SNRNP48: variants seen among roughly 807,000 people sequenced by gnomAD.
SNRNP48 encodes small nuclear ribonucleoprotein U11/U12 subunit 48.
SNRNP48 carries 43 observed loss-of-function variants against 47.0 expected under a neutral mutation model. The observed-to-expected ratio is 0.92, with a 90% confidence interval of 0.72 to 1.18. The LOEUF is 1.18. SNRNP48 is among the 50% of genes most tolerant of loss of function. SNRNP48 has a pLI of 0.00. For missense variants in SNRNP48, 396 were observed against 422.2 expected, an observed-to-expected ratio of 0.94 and a Z score of 0.54; for synonymous variants, 138 against 144.0, an observed-to-expected ratio of 0.96 and a Z score of 0.30.
At chr6:7,601,639 C>A in intron 5 of SNRNP48, 115 bp downstream of exon 5, 1 of 1,077,540 alleles carries the variant, frequency 9.3e-7, no homozygotes, top group Non-Finnish European at 1.3e-6. Context: ...GGTTTTGTAT[C>A]ATTTAATATT....
At chr6:7,592,986 A>G (rs1433212241) in intron 1 of SNRNP48, among the ~76,000 whole-genome samples, 1 of 152,062 alleles carries the variant, frequency 6.6e-6, no homozygotes, top group Admixed American at 6.5e-5. Context: ...AAAGGAATAG[A>G]TTTGAGGGTT....
At chr6:7,598,070 T>C (rs1759938742) in intron 4 of SNRNP48, among the ~76,000 whole-genome samples, 1 of 151,828 alleles carries the variant, frequency 6.6e-6, no homozygotes, top group African/African-American at 2.4e-5. Flanking sequence ...GGTTTCACTG[T>C]GTTAGCCACG....
At chr6:7,601,225 A>G (rs981003210) in intron 4 of SNRNP48, 111 bp from the exon 5 acceptor site, 1 of 774,622 alleles carries the variant, frequency 1.3e-6, no homozygotes, top group Non-Finnish European at 1.9e-6. Flanking sequence ...TTATGAAAAA[A>G]GTTTGTGTTA....
chr6:7,606,260 C>A, intron 8 of SNRNP48, 65 bp downstream of exon 8: 1 of 1,430,984 alleles, frequency 7.0e-7, no homozygotes, highest in Non-Finnish European at 9.3e-7. Context: ...ACAGGTTCTT[C>A]TGTTGTAGAC....
At chr6:7,599,410 A>T (rs1759971430) in intron 4 of SNRNP48, among the ~76,000 whole-genome samples, 1 of 152,164 alleles carries the variant, frequency 6.6e-6, no homozygotes, top group Non-Finnish European at 1.5e-5. Flanking sequence ...AAATGGTTAG[A>T]ATGTTAAATT....
intron 3 of SNRNP48, among the ~76,000 whole-genome samples, chr6:7,594,519 G>A (rs1759870324): frequency 1.3e-5 from 2 of 152,128 alleles, no homozygotes; most frequent in Admixed American, 1.3e-4. Context: ...CTTGGGCTCT[G>A]GAAAAAGAAT....
chr6:7,591,400 A>G (rs550817606), intron 1 of SNRNP48, among the ~76,000 whole-genome samples: 1 of 152,282 alleles, frequency 6.6e-6, no homozygotes, highest in East Asian at 1.9e-4. Flanking sequence ...GGGGTAATTC[A>G]TTATCTTTAC....
chr6:7,591,167 G>T (rs533538486), intron 1 of SNRNP48, among the ~76,000 whole-genome samples: 1 of 152,202 alleles, frequency 6.6e-6, no homozygotes, highest in South Asian at 2.1e-4. Flanking sequence ...GAGTTTGCCA[G>T]TTCGCCTTTC....
chr6:7,608,990 A>T lies in SNRNP48; in HGVS notation c.*117A>T, dbSNP rs1760183123. 6.2e-6 allele frequency: 3 copies of T among 487,670 alleles called. No homozygotes were observed. The highest frequency in any genetic ancestry group is 1.0e-5 in the Non-Finnish European group (3 of 291,928). The allele number at this position is 487,670 out of a possible 1,614,324, so 30.2% of individuals were successfully genotyped here. A position where few individuals can be genotyped will look rare whatever the true frequency, so the allele number is the denominator to read the frequency against. ...TTTTATGATCTGTTTAGTGCTTATT[A>T]TTTTTTTTATGATCTGTTTAGTGCT... is the stretch of plus-strand genomic sequence containing the variant. On this transcript the variant is annotated 3_prime_UTR_variant, in exon 9 of 9. Transcript: ENST00000342415.
rs1200802392 is a variant in SNRNP48 at position 7,599,982 on chromosome 6, C to T, written c.407-1354C>T. The stretch of plus-strand genomic sequence containing the variant: ...GTTTATATGAAGCTTGTTTGTAATA[C>T]ATCATTATTTTCTAATCTGTGTTTT... On this transcript the variant is annotated intron_variant, in intron 4 of 8. Transcript: ENST00000342415. The T allele has an allele frequency of 6.1e-6, 6 of 988,208 alleles. No individual in the cohort carries two copies. The African/African-American group carries it at 1.0e-4, about 17-fold the overall frequency. 61.2% of individuals were successfully genotyped at this position (988,208 alleles called of 1,614,324 possible).
chr6:7,602,164 T>C (rs2806220), intron 5 of SNRNP48, among the ~76,000 whole-genome samples: 1 of 152,004 alleles, frequency 6.6e-6, no homozygotes, highest in Non-Finnish European at 1.5e-5. Flanking sequence ...GTATTAGGTA[T>C]TGAAAGTAAT....
At chr6:7,594,998 G>A (rs534008691) in intron 3 of SNRNP48, 29 bp from the exon 4 acceptor site, 3 of 1,532,462 alleles carry the variant, frequency 2.0e-6, no homozygotes, top group Non-Finnish European at 2.7e-6. Context: ...GATTCATATT[G>A]TATTTATGGA....
chr6:7,603,577 T>G (rs1327164755), intron 6 of SNRNP48, among the ~76,000 whole-genome samples: 1 of 152,220 alleles, frequency 6.6e-6, no homozygotes, highest in East Asian at 1.9e-4. Flanking sequence ...CCCTATTACC[T>G]GTTACTTTCT....
chr6:7,605,918 A>G (rs1276922738), intron 7 of SNRNP48, 113 bp from the exon 8 acceptor site: 1 of 1,109,080 alleles, frequency 9.0e-7, no homozygotes, highest in Non-Finnish European at 1.3e-6. Context: ...TATTTAGACC[A>G]TATCTACCAT....
Position 7,590,440 on chromosome 6 carries a change from T to G in SNRNP48, c.156+27T>G, listed in dbSNP as rs952143089. ...TGAGGAGCGCGGCCGCGGGGCCCTT[T>G]CGGGGACTATCGGCCCGGGGTCTTC... On this transcript the variant is annotated intron_variant, in intron 1 of 8. Coordinates refer to ENST00000342415, the MANE Select transcript of SNRNP48 (RefSeq NM_152551.4). 13 of 1,276,506 alleles carry G rather than the reference T, an allele frequency of 1.0e-5. No homozygotes were observed. The African/African-American group carries it at 1.9e-4, about 18-fold the overall frequency. 79.1% of individuals were successfully genotyped at this position (1,276,506 alleles called of 1,614,324 possible).
rs751956504 is a variant in SNRNP48 at position 7,595,096 on chromosome 6, A to G, written c.401A>G (p.Asn134Ser). Residue 134 changes from asparagine (N) to serine (S), a missense_variant, in exon 4 of 9, where the codon AAT becomes AGT. By Grantham distance (46) the Asn-to-Ser change is conservative. Transcript: ENST00000342415. ...TAVGKDSDCY[N>S]QRIYSSLPVE... Reference sequence around the variant, plus strand: ...GTTGGGAAAGACAGTGATTGTTATAATCAAAGTAAGTGGCATTACAGTTTA... The same window carrying G: ...GTTGGGAAAGACAGTGATTGTTATAGTCAAAGTAAGTGGCATTACAGTTTA... 2.5e-6 allele frequency: 4 copies of G among 1,593,170 alleles called. No individual in the cohort carries two copies. The highest frequency in any genetic ancestry group is 3.4e-6 in the Non-Finnish European group (4 of 1,172,812).
At chr6:7,595,558 T>C (rs1759890141) in intron 4 of SNRNP48, among the ~76,000 whole-genome samples, 1 of 152,238 alleles carries the variant, frequency 6.6e-6, no homozygotes, top group African/African-American at 2.4e-5. Flanking sequence ...GTATTTTCAG[T>C]TTATGATGGG....
intron 7 of SNRNP48, 99 bp from the exon 8 acceptor site, chr6:7,605,932 T>C: frequency 8.1e-7 from 1 of 1,227,850 alleles, no homozygotes; most frequent in Non-Finnish European, 1.1e-6. Flanking sequence ...CTACCATTGG[T>C]TTGATATAGA....
At chr6:7,590,610 G>T (rs910252588) in intron 1 of SNRNP48, among the ~76,000 whole-genome samples, 197 bp downstream of exon 1, 2 of 152,204 alleles carry the variant, frequency 1.3e-5, no homozygotes, top group African/African-American at 2.4e-5. Context: ...TTCCGGGCTG[G>T]GGCGCGCGAG....
Sources: allele counts gnomAD v4.1 joint callset (sites outside exome capture counted in the v4.1 genomes callset), GRCh38; gene constraint gnomAD v4.1.1; transcripts MANE v1.5; gene names NCBI Gene and HGNC (gene_info 2026-07-23, HGNC 2026-07-21).